GALNT13: variants seen among roughly 807,000 people sequenced by gnomAD.
GALNT13 encodes UDP-GalNAc:polypeptide N-acetylgalactosaminyltransferase 13.
A neutral mutation model predicts 64.2 loss-of-function variants in GALNT13; 28 were observed. The observed-to-expected ratio is 0.44, with a 90% CI of 0.32 to 0.60. GALNT13 has a LOEUF of 0.60. GALNT13 is among the 20% of genes least tolerant of loss of function. The pLI is 0.05. For missense variants in GALNT13, 577 were observed against 669.8 expected (o/e 0.86, Z 1.53); for synonymous variants, 214 against 224.6 (o/e 0.95, Z 0.42).
chr2:153,211,334 A>G, the GALNT13 span, among the ~76,000 whole-genome samples: 774 of 152,088 alleles, frequency 5.1e-3, 5 homozygotes, highest in Non-Finnish European at 8.6e-3. Flanking sequence ...GTAGAGGTAG[A>G]GTTTCAACAT....
the GALNT13 span, among the ~76,000 whole-genome samples, chr2:153,105,054 A>G: frequency 9.1e-6 from 1 of 109,400 alleles, no homozygotes; most frequent in African/African-American, 3.6e-5. Flanking sequence ...CCCGACAACA[A>G]TCCCCAGAGT....
chr2:153,137,278 C>T, the GALNT13 span, among the ~76,000 whole-genome samples: 1 of 152,052 alleles, frequency 6.6e-6, no homozygotes, highest in Non-Finnish European at 1.5e-5. Flanking sequence ...AAAAAAGCAA[C>T]TTGATATTTC....
At chr2:153,344,767 T>C in the GALNT13 span, among the ~76,000 whole-genome samples, 1 of 152,196 alleles carries the variant, frequency 6.6e-6, no homozygotes, top group East Asian at 1.9e-4. Flanking sequence ...ACACAAAACA[T>C]GGTAACAGTA....
At chr2:153,368,619 G>A in the GALNT13 span, among the ~76,000 whole-genome samples, 4 of 152,048 alleles carry the variant, frequency 2.6e-5, no homozygotes, top group African/African-American at 7.2e-5. Context: ...TCTCTAAGAG[G>A]ACAAAACAGT....
chr2:153,375,635 T>A, the GALNT13 span, among the ~76,000 whole-genome samples: 9 of 152,354 alleles, frequency 5.9e-5, no homozygotes, highest in Admixed American at 3.9e-4. Context: ...ATTATCTTTT[T>A]GTTTCTAGCA....
intron 3 of GALNT13, among the ~76,000 whole-genome samples, chr2:153,974,492 G>A (rs559002332): frequency 2.6e-4 from 39 of 152,076 alleles, no homozygotes; most frequent in African/African-American, 8.7e-4. Context: ...TTATGTGCTA[G>A]TCACTTCTGT....
At chr2:153,316,264 A>G in the GALNT13 span, among the ~76,000 whole-genome samples, 1 of 152,140 alleles carries the variant, frequency 6.6e-6, no homozygotes, top group Non-Finnish European at 1.5e-5. Context: ...AATGTCTTAT[A>G]AAATTAAACT....
At chr2:153,711,746 C>T in the GALNT13 span, among the ~76,000 whole-genome samples, 1 of 152,130 alleles carries the variant, frequency 6.6e-6, no homozygotes, top group Non-Finnish European at 1.5e-5. Context: ...CCATGTTTTC[C>T]TTACTCAAAA....
At chr2:154,401,530 C>G (rs1470659520) in intron 10 of GALNT13, among the ~76,000 whole-genome samples, 4 of 152,018 alleles carry the variant, frequency 2.6e-5, no homozygotes, top group Admixed American at 6.6e-5. Context: ...GGATGGCTAC[C>G]TTAAAGTATG....
At chr2:153,297,703 A>G in the GALNT13 span, among the ~76,000 whole-genome samples, 1 of 152,332 alleles carries the variant, frequency 6.6e-6, no homozygotes, top group South Asian at 2.1e-4. Context: ...AAGAAAGTAA[A>G]TAATGAGCAG....
At chr2:154,141,156 G>A (rs1322582225) in intron 4 of GALNT13, among the ~76,000 whole-genome samples, 2 of 152,168 alleles carry the variant, frequency 1.3e-5, no homozygotes, top group Non-Finnish European at 2.9e-5. Context: ...TTGCAGGACT[G>A]AAAGTTGCTC....
intron 8 of GALNT13, chr2:154,286,818 G>T: frequency 3.0e-6 from 1 of 334,818 alleles, no homozygotes; most frequent in Non-Finnish European, 6.0e-6. Flanking sequence ...CATGTAATGT[G>T]CCAGTCATCA....
the GALNT13 span, among the ~76,000 whole-genome samples, chr2:153,436,081 A>G: frequency 6.6e-6 from 1 of 152,154 alleles, no homozygotes; most frequent in Non-Finnish European, 1.5e-5. Context: ...ATCTATTGAG[A>G]TAATCATGTG....
the GALNT13 span, among the ~76,000 whole-genome samples, chr2:153,630,475 A>G: frequency 2.8e-5 from 3 of 107,596 alleles, no homozygotes; most frequent in Admixed American, 3.9e-4. Flanking sequence ...AGGAGGGGGA[A>G]CATCACACTC....
intron 9 of GALNT13, among the ~76,000 whole-genome samples, chr2:154,358,052 G>C (rs1414607071): frequency 6.6e-6 from 1 of 151,876 alleles, no homozygotes; most frequent in East Asian, 1.9e-4. Flanking sequence ...TACTTCTATA[G>C]AATGTGAATA....
At chr2:153,117,416 G>A in the GALNT13 span, among the ~76,000 whole-genome samples, 1 of 152,056 alleles carries the variant, frequency 6.6e-6, no homozygotes, top group Non-Finnish European at 1.5e-5. Flanking sequence ...GTGGGTATGT[G>A]GATCCTCATA....
chr2:153,461,592 G>A, the GALNT13 span, among the ~76,000 whole-genome samples: 1 of 152,022 alleles, frequency 6.6e-6, no homozygotes, highest in South Asian at 2.1e-4. Context: ...CAAAAGTCAG[G>A]ACACCCAGGA....
the GALNT13 span, among the ~76,000 whole-genome samples, chr2:153,486,535 G>C: frequency 6.6e-6 from 1 of 152,154 alleles, no homozygotes; most frequent in Non-Finnish European, 1.5e-5. Context: ...TGGCTGCACT[G>C]AGTCAGGGCT....
At chr2:153,355,439 A>G in the GALNT13 span, among the ~76,000 whole-genome samples, 1 of 152,146 alleles carries the variant, frequency 6.6e-6, no homozygotes, top group Non-Finnish European at 1.5e-5. Context: ...AGTATTTACT[A>G]TTTCTTTTGG....
Sources: allele counts gnomAD v4.1 joint callset (sites outside exome capture counted in the v4.1 genomes callset), GRCh38; gene constraint gnomAD v4.1.1; transcripts MANE v1.5; gene names NCBI Gene and HGNC (gene_info 2026-07-23, HGNC 2026-07-21).